TBXAS1: variants seen among roughly 807,000 people sequenced by gnomAD.
The protein encoded by TBXAS1 is thromboxane-A synthase.
A neutral mutation model predicts 60.7 loss-of-function variants in TBXAS1; 48 were observed. That is an observed-to-expected ratio of 0.79 (90% CI 0.63 to 1.01). TBXAS1 has a LOEUF of 1.01. Ranked by LOEUF, TBXAS1 falls within the 50% of genes least tolerant of loss-of-function variation. The pLI, the probability that TBXAS1 is intolerant of heterozygous loss-of-function variation, is 0.00. For synonymous variants in TBXAS1, 287 were observed against 269.7 expected (o/e 1.06, Z -0.63); for missense variants, 685 against 686.3 (o/e 1.00, Z 0.02).
intron 10 of TBXAS1, among the ~76,000 whole-genome samples, chr7:140,007,471 C>T (rs553070511): frequency 6.6e-6 from 1 of 152,368 alleles, no homozygotes; most frequent in African/African-American, 2.4e-5. Context: ...GCCATTTCCC[C>T]TGCCTGTTCG....
chr7:139,900,399 C>T (rs1250912749), intron 3 of TBXAS1, among the ~76,000 whole-genome samples: 2 of 152,156 alleles, frequency 1.3e-5, no homozygotes, highest in African/African-American at 4.8e-5. Flanking sequence ...ATATTAATCT[C>T]CAGGACCCAT....
chr7:139,799,723 A>C (rs1329414629), intron 4 of TBXAS1, among the ~76,000 whole-genome samples: 1 of 152,118 alleles, frequency 6.6e-6, no homozygotes, highest in Non-Finnish European at 1.5e-5. Flanking sequence ...TGCTGCCCTG[A>C]ATTAAGCCCA....
chr7:139,978,775 C>CAAAAA (rs35583867), intron 9 of TBXAS1, among the ~76,000 whole-genome samples: 8 of 90,982 alleles, frequency 8.8e-5, no homozygotes, highest in Admixed American at 1.1e-4. Context: ...CCTGCCTCTA[C>CAAAAA]AAAAAAAAAA....
At chr7:139,859,290 T>G (rs959101265) in intron 1 of TBXAS1, among the ~76,000 whole-genome samples, 3 of 149,324 alleles carry the variant, frequency 2.0e-5, no homozygotes, top group Admixed American at 6.7e-5. Context: ...CACTGCAAGC[T>G]CCGCCTCCCG....
intron 2 of TBXAS1, among the ~76,000 whole-genome samples, chr7:139,875,108 AAAC>A (rs899589405): frequency 4.3e-4 from 66 of 152,106 alleles, no homozygotes; most frequent in Non-Finnish European, 1.6e-4. Context: ...AAAACAAACA[AAAC>A]AACAACAACA....
intron 1 of TBXAS1, among the ~76,000 whole-genome samples, chr7:139,838,244 G>T (rs1422347754): frequency 6.6e-6 from 1 of 152,210 alleles, no homozygotes; most frequent in Non-Finnish European, 1.5e-5. Context: ...AAGCTCAGGG[G>T]TGCTTCCTCA....
chr7:139,846,489 C>G (rs1018557181), intron 1 of TBXAS1, among the ~76,000 whole-genome samples: 4 of 152,214 alleles, frequency 2.6e-5, no homozygotes, highest in African/African-American at 9.7e-5. Context: ...TAGAGCAGTG[C>G]ATGGCACAGC....
intron 4 of TBXAS1, among the ~76,000 whole-genome samples, chr7:139,914,881 A>G (rs1174179777): frequency 6.6e-6 from 1 of 152,158 alleles, no homozygotes; most frequent in Non-Finnish European, 1.5e-5. Context: ...TGACATAAAC[A>G]CATATTGACT....
intron 3 of TBXAS1, among the ~76,000 whole-genome samples, chr7:139,786,319 G>C (rs1030167546): frequency 6.6e-6 from 1 of 152,102 alleles, no homozygotes; most frequent in African/African-American, 2.4e-5. Context: ...TGTCAGGTAT[G>C]AAGGAGACAC....
intron 1 of TBXAS1, among the ~76,000 whole-genome samples, chr7:139,870,418 A>G (rs17161194): frequency 0.067 from 10,156 of 152,320 alleles, 958 homozygotes; most frequent in African/African-American, 0.21. Flanking sequence ...AGAAATGAAC[A>G]TAGACACGAA....
At chr7:139,985,218 G>T (rs998510247) in intron 9 of TBXAS1, among the ~76,000 whole-genome samples, 1 of 152,216 alleles carries the variant, frequency 6.6e-6, no homozygotes, top group Non-Finnish European at 1.5e-5. Context: ...AAAGCACAGT[G>T]GCCCTTTACA....
chr7:139,854,530 A>G (rs1353911350), intron 1 of TBXAS1, among the ~76,000 whole-genome samples: 1 of 152,190 alleles, frequency 6.6e-6, no homozygotes, highest in Non-Finnish European at 1.5e-5. Flanking sequence ...AGGAGAAGCT[A>G]GAGGCTGGGA....
intron 3 of TBXAS1, among the ~76,000 whole-genome samples, chr7:139,909,282 T>C (rs1805335268): frequency 6.6e-6 from 1 of 152,190 alleles, no homozygotes; most frequent in Non-Finnish European, 1.5e-5. Context: ...ACATTGTATA[T>C]TTGAGAAACA....
chr7:139,872,881 T>C (rs1349891286), intron 2 of TBXAS1, among the ~76,000 whole-genome samples: 1 of 152,134 alleles, frequency 6.6e-6, no homozygotes, highest in Non-Finnish European at 1.5e-5. Flanking sequence ...CACTCACCCA[T>C]TTCCCCCAAA....
At chr7:139,798,479 G>A (rs1190181200) in intron 4 of TBXAS1, among the ~76,000 whole-genome samples, 1 of 152,200 alleles carries the variant, frequency 6.6e-6, no homozygotes, top group Non-Finnish European at 1.5e-5. Context: ...GTGGAAGCGA[G>A]AGCAGGAAAC....
intron 3 of TBXAS1, among the ~76,000 whole-genome samples, chr7:139,902,747 C>G (rs1446991311): frequency 3.9e-5 from 6 of 152,170 alleles, no homozygotes; most frequent in Non-Finnish European, 8.8e-5. Flanking sequence ...ACTTTCTCCA[C>G]ATGTTTGCCA....
chr7:139,804,816 T>A (rs79766421), intron 4 of TBXAS1, among the ~76,000 whole-genome samples: 1 of 152,242 alleles, frequency 6.6e-6, no homozygotes, highest in Non-Finnish European at 1.5e-5. Context: ...CTCCCACCCA[T>A]GTGAAACTGT....
chr7:139,911,585 G>T (rs922321892), intron 4 of TBXAS1, among the ~76,000 whole-genome samples: 3 of 152,218 alleles, frequency 2.0e-5, no homozygotes, highest in African/African-American at 7.2e-5. Context: ...AAAACCAAGA[G>T]GGTTTTCTAA....
At chr7:139,950,923 C>T (rs1044420256) in intron 5 of TBXAS1, among the ~76,000 whole-genome samples, 2 of 152,050 alleles carry the variant, frequency 1.3e-5, no homozygotes. Flanking sequence ...AGGAGTTGGG[C>T]CCCTGGTAAC....
Sources: allele counts gnomAD v4.1 joint callset (sites outside exome capture counted in the v4.1 genomes callset), GRCh38; gene constraint gnomAD v4.1.1; transcripts MANE v1.5; gene names NCBI Gene and HGNC (gene_info 2026-07-23, HGNC 2026-07-21).